Variants in NRXN3 observed in about 807,000 individuals in gnomAD.
The protein encoded by NRXN3 is neurexin 3, also known as neurexin III.
Under a neutral mutation model 137.6 loss-of-function variants are expected in NRXN3, and 32 were observed. That is an observed-to-expected ratio of 0.23 (90% CI 0.18 to 0.31). The LOEUF (loss-of-function observed/expected upper bound fraction) is 0.31, where lower values mean the gene tolerates loss of function less well. NRXN3 is among the 10% of genes least tolerant of loss of function. NRXN3 has a pLI of 1.00. For missense variants in NRXN3, 1,574 were observed against 2,062.5 expected, an observed-to-expected ratio of 0.76 and a Z score of 4.59; for synonymous variants, 798 against 784.5, an observed-to-expected ratio of 1.02 and a Z score of -0.29.
intron 15 of NRXN3, among the ~76,000 whole-genome samples, chr14:79,150,370 T>G (rs1357429366): frequency 6.6e-6 from 1 of 150,718 alleles, no homozygotes; most frequent in Non-Finnish European, 1.5e-5. Context: ...CCCCACCACC[T>G]TCACCAGCAG....
At chr14:79,597,467 T>G (rs1443858279) in intron 16 of NRXN3, among the ~76,000 whole-genome samples, 1 of 152,198 alleles carries the variant, frequency 6.6e-6, no homozygotes. Flanking sequence ...GAGGGTTAGG[T>G]GGTTGCTTTT....
intron 15 of NRXN3, among the ~76,000 whole-genome samples, chr14:79,123,482 A>G (rs1165358818): frequency 6.6e-6 from 1 of 152,114 alleles, no homozygotes; most frequent in Non-Finnish European, 1.5e-5. Context: ...AGGACCTAAA[A>G]TGCATCATTG....
chr14:79,338,358 G>T (rs565948836), intron 15 of NRXN3, among the ~76,000 whole-genome samples: 1 of 151,890 alleles, frequency 6.6e-6, no homozygotes, highest in Non-Finnish European at 1.5e-5. Context: ...GGGTAGTTAC[G>T]GCAGCCTTCA....
At chr14:79,104,816 A>G (rs917353948) in intron 15 of NRXN3, among the ~76,000 whole-genome samples, 4 of 144,712 alleles carry the variant, frequency 2.8e-5, no homozygotes, top group Non-Finnish European at 6.0e-5. Flanking sequence ...TTTTAATCTT[A>G]TGATAGGGCT....
At chr14:78,176,441 T>C (rs1483379137) in intron 1 of NRXN3, among the ~76,000 whole-genome samples, 4 of 151,392 alleles carry the variant, frequency 2.6e-5, no homozygotes, top group Non-Finnish European at 5.9e-5. Context: ...CTCAATGCAG[T>C]ATACTATTAT....
chr14:79,613,311 G>T (rs221514), intron 16 of NRXN3, among the ~76,000 whole-genome samples: 52,606 of 152,116 alleles, frequency 0.35, 11,456 homozygotes, highest in African/African-American at 0.62. Flanking sequence ...ACTATTTTAT[G>T]TTATCGTTGT....
At chr14:79,298,259 G>A (rs1464741277) in intron 15 of NRXN3, among the ~76,000 whole-genome samples, 1 of 152,044 alleles carries the variant, frequency 6.6e-6, no homozygotes, top group African/African-American at 2.4e-5. Flanking sequence ...GCTAATTTCT[G>A]TGGTATTTCT....
chr14:79,509,589 G>A (rs1039976771), intron 16 of NRXN3, among the ~76,000 whole-genome samples: 1 of 150,900 alleles, frequency 6.6e-6, no homozygotes, highest in African/African-American at 2.4e-5. Context: ...GTGTATATAT[G>A]TATATATGTG....
At chr14:78,263,243 T>A (rs1429738130) in intron 2 of NRXN3, among the ~76,000 whole-genome samples, 2 of 152,236 alleles carry the variant, frequency 1.3e-5, no homozygotes, top group Non-Finnish European at 2.9e-5. Context: ...ACTCTGTTAA[T>A]CTGAAGATGA....
chr14:78,581,922 G>T lies in NRXN3; in HGVS notation c.758-63198G>T, dbSNP rs371361499. On this transcript the variant is annotated intron_variant, in intron 4 of 20. Transcript: ENST00000335750. ...CCCATCCAAGGGCCAACCCTGATAGGGCTTAAATGTTCTCAGCATTAGCTT... is the reference window on the plus strand; with the variant it reads ...CCCATCCAAGGGCCAACCCTGATAGTGCTTAAATGTTCTCAGCATTAGCTT... Among the ~76,000 whole-genome samples the T allele has an allele frequency of 2.0e-5, 3 of 152,280 alleles. No individual in the cohort carries two copies. In the East Asian group the frequency reaches 5.8e-4, roughly 29 times the overall value.
At chr14:78,697,676 T>C (rs1221754781) in intron 6 of NRXN3, among the ~76,000 whole-genome samples, 1 of 152,036 alleles carries the variant, frequency 6.6e-6, no homozygotes, top group Non-Finnish European at 1.5e-5. Flanking sequence ...GGGGACCTTT[T>C]GTTGCATGAC....
At chr14:78,859,086 C>T (rs901319077) in intron 10 of NRXN3, among the ~76,000 whole-genome samples, 6 of 152,130 alleles carry the variant, frequency 3.9e-5, no homozygotes, top group Non-Finnish European at 5.9e-5. Context: ...ATGCTGTTCT[C>T]ATCATAGTGA....
At chr14:78,469,897 T>C (rs1398832858) in intron 4 of NRXN3, among the ~76,000 whole-genome samples, 2 of 152,244 alleles carry the variant, frequency 1.3e-5, no homozygotes, top group Non-Finnish European at 2.9e-5. Context: ...TTTTGTCCCG[T>C]TAGTCTGAGC....
chr14:78,691,569 CTCTAGTCAGA>C (rs2098170675), intron 6 of NRXN3, among the ~76,000 whole-genome samples: 1 of 152,190 alleles, frequency 6.6e-6, no homozygotes, highest in African/African-American at 2.4e-5. Flanking sequence ...TCTAGGGACA[CTCTAGTCAGA>C]TTCTCAAATT....
chr14:78,338,016 G>A (rs1597476902), intron 4 of NRXN3, among the ~76,000 whole-genome samples: 1 of 152,110 alleles, frequency 6.6e-6, no homozygotes, highest in Admixed American at 6.5e-5. Flanking sequence ...GATGGAGAAT[G>A]GGGTGTGAGT....
chr14:78,684,060 T>G (rs1294513923), intron 6 of NRXN3, among the ~76,000 whole-genome samples: 1 of 152,176 alleles, frequency 6.6e-6, no homozygotes, highest in Non-Finnish European at 1.5e-5. Context: ...GATCATATTG[T>G]CTTCTTAAAT....
chr14:79,490,865 C>T (rs1232831995), intron 16 of NRXN3, among the ~76,000 whole-genome samples: 2 of 152,068 alleles, frequency 1.3e-5, no homozygotes, highest in African/African-American at 4.8e-5. Flanking sequence ...ATGGATACTG[C>T]ATTCTTCATG....
intron 4 of NRXN3, among the ~76,000 whole-genome samples, chr14:78,433,111 G>A (rs2093949177): frequency 6.6e-6 from 1 of 152,096 alleles, no homozygotes; most frequent in African/African-American, 2.4e-5. Context: ...GCAGATTCTG[G>A]GAAGAACCCC....
chr14:79,569,624 T>TGA (rs1347005573), intron 16 of NRXN3, among the ~76,000 whole-genome samples: 3 of 147,194 alleles, frequency 2.0e-5, no homozygotes, highest in African/African-American at 7.8e-5. Flanking sequence ...TGTGTGTGTG[T>TGA]GTGTGTGAGA....
Sources: allele counts gnomAD v4.1 joint callset (sites outside exome capture counted in the v4.1 genomes callset), GRCh38; gene constraint gnomAD v4.1.1; transcripts MANE v1.5; gene names NCBI Gene and HGNC (gene_info 2026-07-23, HGNC 2026-07-21).